NECTIN1: variants seen among roughly 807,000 people sequenced by gnomAD.
NECTIN1 encodes the protein nectin cell adhesion molecule 1, also known as nectin-1.
In NECTIN1, 23 loss-of-function variants were observed where a neutral mutation model predicts 48.0. The observed-to-expected ratio is 0.48, with a 90% CI of 0.34 to 0.68. NECTIN1 has a LOEUF of 0.68. NECTIN1 is among the 30% of genes least tolerant of loss of function. The pLI, the probability that NECTIN1 is intolerant of heterozygous loss-of-function variation, is 0.01. For missense variants in NECTIN1, 591 were observed against 709.9 expected (o/e 0.83, Z 1.90); for synonymous variants, 270 against 288.9 (o/e 0.93, Z 0.66).
intron 1 of NECTIN1, among the ~76,000 whole-genome samples, chr11:119,702,261 G>A (rs189686500): frequency 6.6e-6 from 1 of 152,314 alleles, no homozygotes; most frequent in East Asian, 1.9e-4. Context: ...TCCCACCAGG[G>A]CCTCCACCTC....
intron 5 of NECTIN1, among the ~76,000 whole-genome samples, chr11:119,648,421 ATGG>A (rs1864444097): frequency 4.0e-5 from 1 of 25,172 alleles, no homozygotes; most frequent in Non-Finnish European, 8.5e-5. Flanking sequence ...GGTGGTGGTG[ATGG>A]TGGTGATGGT....
At chr11:119,671,974 A>T (rs905856376) in intron 5 of NECTIN1, among the ~76,000 whole-genome samples, 2 of 152,236 alleles carry the variant, frequency 1.3e-5, no homozygotes, top group African/African-American at 4.8e-5. Flanking sequence ...TCACATTTAC[A>T]TGCCCAGAGA....
At chr11:119,652,842 T>C (rs1489342025) in intron 5 of NECTIN1, among the ~76,000 whole-genome samples, 2 of 152,306 alleles carry the variant, frequency 1.3e-5, no homozygotes, top group Non-Finnish European at 2.9e-5. Flanking sequence ...TACAAGAATG[T>C]TTGTAGCAAC....
In NECTIN1 at chr11:119,661,014, T is replaced by TA; in HGVS notation, c.*3732dup. The TA allele has an allele frequency of 2.0e-6, 2 of 980,880 alleles. No individual in the cohort carries two copies. The highest frequency in any genetic ancestry group is 2.4e-6 in the Non-Finnish European group (2 of 825,448). 60.8% of individuals were successfully genotyped at this position (980,880 alleles called of 1,614,324 possible). A position where few individuals can be genotyped will look rare whatever the true frequency, so the allele number is the denominator to read the frequency against. ...CAGTTTGTTTTAAACACTTTATTTA[T>TA]AAAAAAGTACATTTTTAATCCTCAG... On this transcript the variant is annotated 3_prime_UTR_variant, in exon 6 of 6. Coordinates refer to ENST00000264025, the MANE Select transcript of NECTIN1 (RefSeq NM_002855.5).
chr11:119,676,865 G>A, intron 4 of NECTIN1: 1 of 575,818 alleles, frequency 1.7e-6, no homozygotes. Context: ...AGATCACAAA[G>A]GAAACCCCTC....
At chr11:119,699,032 T>A (rs1355916706) in intron 1 of NECTIN1, among the ~76,000 whole-genome samples, 1 of 152,126 alleles carries the variant, frequency 6.6e-6, no homozygotes, top group Non-Finnish European at 1.5e-5. Context: ...TCCTCGAAAA[T>A]CAGCATCCTC....
At chr11:119,675,546 G>A (rs761466409) in intron 4 of NECTIN1, 4 of 508,766 alleles carry the variant, frequency 7.9e-6, no homozygotes, top group Admixed American at 6.5e-5. Flanking sequence ...GTAGGTGCCG[G>A]TCCCCCTTAA....
chr11:119,648,090 AG>A (rs1864422260), intron 5 of NECTIN1, among the ~76,000 whole-genome samples: 2 of 132,014 alleles, frequency 1.5e-5, no homozygotes, highest in Non-Finnish European at 3.3e-5. Flanking sequence ...AAAAAAAAAA[AG>A]GGAGGACGGG....
intron 1 of NECTIN1, among the ~76,000 whole-genome samples, chr11:119,715,104 A>T (rs997866156): frequency 6.6e-6 from 1 of 152,270 alleles, no homozygotes; most frequent in Non-Finnish European, 1.5e-5. Flanking sequence ...GGTGGTGAGT[A>T]CCCTGTCAGT....
At chr11:119,718,998 A>C (rs778126083) in intron 1 of NECTIN1, among the ~76,000 whole-genome samples, 2 of 152,230 alleles carry the variant, frequency 1.3e-5, no homozygotes. Flanking sequence ...CATAGGCTGA[A>C]GGTAATTTTA....
chr11:119,723,932 G>C (rs1865869796), intron 1 of NECTIN1, among the ~76,000 whole-genome samples: 1 of 152,092 alleles, frequency 6.6e-6, no homozygotes, highest in Non-Finnish European at 1.5e-5. Context: ...AGTTGGGCTT[G>C]GGCACAGGGT....
chr11:119,693,990 T>C (rs1002206129), intron 1 of NECTIN1, among the ~76,000 whole-genome samples: 4 of 152,178 alleles, frequency 2.6e-5, no homozygotes, highest in African/African-American at 9.7e-5. Flanking sequence ...ATTGGAAAAC[T>C]AAAATATTGT....
chr11:119,721,801 C>A (rs1200714883), intron 1 of NECTIN1, among the ~76,000 whole-genome samples: 1 of 152,248 alleles, frequency 6.6e-6, no homozygotes, highest in Non-Finnish European at 1.5e-5. Flanking sequence ...GAGACAGATG[C>A]TCCAGGACAC....
At chr11:119,688,500 C>T (rs1036307907) in intron 1 of NECTIN1, among the ~76,000 whole-genome samples, 3 of 152,110 alleles carry the variant, frequency 2.0e-5, no homozygotes, top group African/African-American at 7.2e-5. Flanking sequence ...TAGCAAGATC[C>T]CTGGCCTCTA....
chr11:119,728,055 G>A (rs1865943147), intron 1 of NECTIN1, among the ~76,000 whole-genome samples: 1 of 152,166 alleles, frequency 6.6e-6, no homozygotes, highest in Non-Finnish European at 1.5e-5. Context: ...CTCCAAACCC[G>A]CAGCTCCGAG....
intron 5 of NECTIN1, among the ~76,000 whole-genome samples, chr11:119,651,223 T>C (rs574301117): frequency 3.3e-5 from 5 of 152,092 alleles, no homozygotes; most frequent in Admixed American, 2.0e-4. Context: ...TCAGGGAACT[T>C]TGGGTACTGT....
At chr11:119,686,293 C>T (rs577251825) in intron 1 of NECTIN1, among the ~76,000 whole-genome samples, 22 of 152,310 alleles carry the variant, frequency 1.4e-4, no homozygotes, top group Non-Finnish European at 2.8e-4. Context: ...TCTCAATATT[C>T]CCGGGCTGGG....
chr11:119,667,920 G>T (rs1383528919), intron 5 of NECTIN1, among the ~76,000 whole-genome samples: 1 of 152,150 alleles, frequency 6.6e-6, no homozygotes, highest in East Asian at 1.9e-4. Flanking sequence ...GGCTCAAAGG[G>T]TCAGCAAAAA....
Position 119,674,762 on chromosome 11 carries a change from G to A in NECTIN1, c.1003+397C>T, listed in dbSNP as rs1864919652. ...AGCCTCACTTTCTGGCCCATGAAGA[G>A]GTCCTTGACCACAGGTGCAGAGCTT... On this transcript the variant is annotated intron_variant, in intron 5 of 5. Coordinates refer to ENST00000264025, the MANE Select transcript of NECTIN1 (RefSeq NM_002855.5). 3 of 1,582,974 alleles carry A rather than the reference G, an allele frequency of 1.9e-6. No individual in the cohort carries two copies. In the Admixed American group the frequency reaches 5.0e-5, roughly 26 times the overall value.
Sources: allele counts gnomAD v4.1 joint callset (sites outside exome capture counted in the v4.1 genomes callset), GRCh38; gene constraint gnomAD v4.1.1; transcripts MANE v1.5; gene names NCBI Gene and HGNC (gene_info 2026-07-23, HGNC 2026-07-21).